The following GLT1D1 variants were observed in gnomAD, a reference collection of about 807,000 sequenced individuals.
GLT1D1 encodes glycosyltransferase 1 domain-containing protein 1.
In GLT1D1, 21 loss-of-function variants were observed where a neutral mutation model predicts 28.7. That is an observed-to-expected ratio of 0.73 (90% CI 0.52 to 1.05). GLT1D1 has a LOEUF of 1.05. GLT1D1 is among the 50% of genes least tolerant of loss of function. The pLI is 0.00. For synonymous variants in GLT1D1, 147 were observed against 124.8 expected (o/e 1.18, Z -1.19); for missense variants, 343 against 330.6 (o/e 1.04, Z -0.29).
chr12:128,874,175 T>TTTCTTTCC (rs1956815753), intron 1 of GLT1D1, among the ~76,000 whole-genome samples: 1 of 140,188 alleles, frequency 7.1e-6, no homozygotes, highest in African/African-American at 2.7e-5. Flanking sequence ...TCTTTCTTTC[T>TTTCTTTCC]TTTTTTCTCT....
intron 4 of GLT1D1, among the ~76,000 whole-genome samples, chr12:128,933,492 TG>T (rs1193725757): frequency 5.9e-5 from 9 of 152,280 alleles, no homozygotes; most frequent in Non-Finnish European, 1.2e-4. Flanking sequence ...GAGAAATGCT[TG>T]TTTTTTATTT....
intron 6 of GLT1D1, among the ~76,000 whole-genome samples, chr12:128,955,376 A>G (rs991934097): frequency 6.6e-6 from 1 of 152,124 alleles, no homozygotes. Flanking sequence ...TGATCAAGGC[A>G]CTGCTAATAT....
intron 1 of GLT1D1, among the ~76,000 whole-genome samples, chr12:128,854,394 CGTGTGTGTGTGTGTGTGTGTGTGTGTGT>C (rs56655033): frequency 7.0e-6 from 1 of 143,872 alleles, no homozygotes; most frequent in Non-Finnish European, 1.5e-5. Context: ...TAACAGAAGC[CGTGTGTGTGTGTGTGTGTGTGTGTGTGT>C]GTGTGTGTGT....
intron 4 of GLT1D1, among the ~76,000 whole-genome samples, chr12:128,921,403 C>T (rs1566134781): frequency 6.6e-6 from 1 of 151,992 alleles, no homozygotes; most frequent in Non-Finnish European, 1.5e-5. Flanking sequence ...GGGACCAGCA[C>T]TTTTAAACAT....
intron 4 of GLT1D1, among the ~76,000 whole-genome samples, chr12:128,943,105 A>G (rs1451187131): frequency 2.0e-5 from 3 of 152,194 alleles, no homozygotes; most frequent in Admixed American, 6.5e-5. Context: ...TTCCCTTTAA[A>G]ATAAGGTGGC....
chr12:128,972,490 A>G (rs1022303861), intron 7 of GLT1D1, among the ~76,000 whole-genome samples: 4 of 150,764 alleles, frequency 2.7e-5, no homozygotes, highest in Non-Finnish European at 4.5e-5. Flanking sequence ...CCGGGGAGCA[A>G]CTGTGTGACT....
At chr12:128,888,093 C>T (rs1055583213) in intron 2 of GLT1D1, among the ~76,000 whole-genome samples, 1 of 152,212 alleles carries the variant, frequency 6.6e-6, no homozygotes, top group African/African-American at 2.4e-5. Flanking sequence ...CCACTTTATG[C>T]GCTCAGCATC....
At chr12:128,877,105 T>C (rs567521715) in intron 2 of GLT1D1, among the ~76,000 whole-genome samples, 118 of 152,330 alleles carry the variant, frequency 7.7e-4, no homozygotes, top group African/African-American at 2.8e-3. Flanking sequence ...GACCTTATTT[T>C]CAGGTTGTGG....
intron 4 of GLT1D1, among the ~76,000 whole-genome samples, chr12:128,919,665 C>T (rs888514248): frequency 3.3e-5 from 5 of 152,142 alleles, no homozygotes; most frequent in Non-Finnish European, 7.4e-5. Flanking sequence ...TTTTTTCACA[C>T]GATATTGACA....
chr12:128,855,444 T>TG (rs1218537314), intron 1 of GLT1D1, among the ~76,000 whole-genome samples: 1 of 151,888 alleles, frequency 6.6e-6, no homozygotes, highest in East Asian at 1.9e-4. Context: ...TGCATGCCTG[T>TG]GGTCCTAGCT....
intron 6 of GLT1D1, among the ~76,000 whole-genome samples, chr12:128,951,291 T>C (rs1197226706): frequency 6.6e-6 from 1 of 152,068 alleles, no homozygotes; most frequent in African/African-American, 2.4e-5. Context: ...TAATCCCAGC[T>C]ACTAGGGTGG....
chr12:128,926,569 A>G (rs1873245110), intron 4 of GLT1D1, 115 bp downstream of exon 7: 2 of 597,722 alleles, frequency 3.3e-6, no homozygotes, highest in Admixed American at 5.8e-5. Flanking sequence ...GCACGTGAGC[A>G]GAACTGTTTC....
intron 1 of GLT1D1, among the ~76,000 whole-genome samples, chr12:128,859,371 C>T (rs1003534307): frequency 2.0e-5 from 3 of 152,166 alleles, no homozygotes; most frequent in African/African-American, 4.8e-5. Flanking sequence ...TGTAGATCAG[C>T]GACTCTGCCT....
At chr12:128,931,375 T>G (rs541807066) in intron 4 of GLT1D1, among the ~76,000 whole-genome samples, 76 of 151,140 alleles carry the variant, frequency 5.0e-4, no homozygotes, top group African/African-American at 1.8e-3. Context: ...TGGTGCGATC[T>G]CGGCTCACTG....
At chr12:128,955,911 G>A (rs796997587) in intron 6 of GLT1D1, among the ~76,000 whole-genome samples, 2 of 151,670 alleles carry the variant, frequency 1.3e-5, no homozygotes, top group South Asian at 2.1e-4. Context: ...TGCTCCTCGA[G>A]TTATGATGGG....
intron 7 of GLT1D1, among the ~76,000 whole-genome samples, chr12:128,975,948 G>C (rs925721265): frequency 6.6e-6 from 1 of 152,228 alleles, no homozygotes; most frequent in Non-Finnish European, 1.5e-5. Flanking sequence ...CCCGATGCAG[G>C]AGCTACTGGG....
intron 4 of GLT1D1, among the ~76,000 whole-genome samples, chr12:128,924,173 T>C (rs930785402): frequency 2.0e-5 from 3 of 151,976 alleles, no homozygotes; most frequent in Non-Finnish European, 4.4e-5. Flanking sequence ...ATGCCTGTAA[T>C]CCTAACACTT....
chr12:128,911,588 C>T (rs554106380), intron 4 of GLT1D1, among the ~76,000 whole-genome samples: 7 of 152,272 alleles, frequency 4.6e-5, no homozygotes, highest in South Asian at 2.1e-4. Context: ...ACCAAAATGA[C>T]GGCCTGTTTT....
chr12:128,867,886 G>A (rs1048161800), intron 1 of GLT1D1, among the ~76,000 whole-genome samples: 1 of 152,196 alleles, frequency 6.6e-6, no homozygotes, highest in African/African-American at 2.4e-5. Flanking sequence ...GGAGGCCAAA[G>A]GACTCATAAT....
Sources: allele counts gnomAD v4.1 joint callset (sites outside exome capture counted in the v4.1 genomes callset), GRCh38; gene constraint gnomAD v4.1.1; transcripts MANE v1.5; gene names NCBI Gene and HGNC (gene_info 2026-07-23, HGNC 2026-07-21).